Variants in PLCL2 observed in about 807,000 individuals in gnomAD.
PLCL2 encodes inactive phospholipase C-like protein 2.
A neutral mutation model predicts 79.6 loss-of-function variants in PLCL2; 4 were observed. The observed-to-expected ratio is 0.05, with a 90% CI of 0.02 to 0.11. The LOEUF (loss-of-function observed/expected upper bound fraction) is 0.11, where lower values mean the gene tolerates loss of function less well. Among genes scored for constraint, PLCL2 ranks in the 10% least tolerant of loss-of-function variants. The pLI is 1.00. For missense variants in PLCL2, 895 were observed against 1,291.0 expected, an observed-to-expected ratio of 0.69 and a Z score of 4.70; for synonymous variants, 484 against 457.7, an observed-to-expected ratio of 1.06 and a Z score of -0.73.
chr3:16,918,801 C>T (rs1697057009), intron 1 of PLCL2, among the ~76,000 whole-genome samples: 1 of 152,114 alleles, frequency 6.6e-6, no homozygotes. Context: ...TTTTGTTGCT[C>T]TTTGTGCTCA....
chr3:16,928,582 A>G (rs1178230410), intron 1 of PLCL2, among the ~76,000 whole-genome samples: 2 of 152,212 alleles, frequency 1.3e-5, no homozygotes, highest in Non-Finnish European at 2.9e-5. Flanking sequence ...AGGAAGCTGC[A>G]ACCTGCAGGG....
rs60098908 is a variant in PLCL2, at chr3:16,990,609, C to T, written c.328-19065C>T. ...AATTCCAGTAAGTAAGACTCGAGGA[C>T]TTGTAATGTAAAAATCTTAGTTAGG... On this transcript the variant is annotated intron_variant, in intron 1 of 5. Coordinates refer to ENST00000615277, the MANE Select transcript of PLCL2 (RefSeq NM_001144382.2). Among the ~76,000 whole-genome samples, 1,065 of 152,272 alleles carry T rather than the reference C, an allele frequency of 7.0e-3. 16 individuals carry two copies. Among genetic ancestry groups the T allele is most frequent in the African/African-American group, 0.024 (1,016 of 41,534 alleles).
At chr3:16,993,120 T>G (rs939927392) in intron 1 of PLCL2, among the ~76,000 whole-genome samples, 1 of 152,220 alleles carries the variant, frequency 6.6e-6, no homozygotes, top group African/African-American at 2.4e-5. Context: ...ATACTTTGAT[T>G]GTACCTGCAT....
At chr3:16,933,897 T>C (rs1453325460) in intron 1 of PLCL2, among the ~76,000 whole-genome samples, 1 of 151,966 alleles carries the variant, frequency 6.6e-6, no homozygotes, top group African/African-American at 2.4e-5. Flanking sequence ...GTGAAACCTG[T>C]CTCTACTAAA....
At chr3:17,076,096 C>A (rs2065106338) in intron 5 of PLCL2, among the ~76,000 whole-genome samples, 1 of 152,182 alleles carries the variant, frequency 6.6e-6, no homozygotes, top group South Asian at 2.1e-4. Flanking sequence ...TGCCACAGTG[C>A]TTTAAAAACA....
intron 1 of PLCL2, among the ~76,000 whole-genome samples, chr3:16,923,087 C>G (rs995513913): frequency 6.6e-6 from 1 of 152,126 alleles, no homozygotes; most frequent in East Asian, 1.9e-4. Flanking sequence ...AGCTCGGCTC[C>G]CCCACAACCA....
intron 1 of PLCL2, among the ~76,000 whole-genome samples, chr3:16,903,396 T>A (rs1696674834): frequency 6.6e-6 from 1 of 152,232 alleles, no homozygotes; most frequent in Non-Finnish European, 1.5e-5. Context: ...TTTCATGTTA[T>A]GGAACTGATT....
At chr3:17,052,261 G>GA (rs1444976756) in intron 4 of PLCL2, among the ~76,000 whole-genome samples, 3 of 150,596 alleles carry the variant, frequency 2.0e-5, no homozygotes, top group Admixed American at 6.6e-5. Flanking sequence ...AAATTGGGGG[G>GA]GGGTGAAGGT....
chr3:16,995,299 C>T (rs547518905), intron 1 of PLCL2, among the ~76,000 whole-genome samples: 117 of 152,252 alleles, frequency 7.7e-4, no homozygotes, highest in Non-Finnish European at 7.8e-4. Context: ...AAAGAGACTT[C>T]TTCCGTTTGT....
At chr3:17,006,600 T>A (rs944808900) in intron 1 of PLCL2, among the ~76,000 whole-genome samples, 2 of 152,164 alleles carry the variant, frequency 1.3e-5, no homozygotes, top group African/African-American at 4.8e-5. Flanking sequence ...ATGGAGACAG[T>A]TCTAGGCAAC....
At chr3:17,028,746 G>T (rs1308948663) in intron 3 of PLCL2, among the ~76,000 whole-genome samples, 1 of 152,062 alleles carries the variant, frequency 6.6e-6, no homozygotes, top group East Asian at 1.9e-4. Flanking sequence ...GCCTCCCAAA[G>T]TGCTGGGAAT....
intron 1 of PLCL2, among the ~76,000 whole-genome samples, chr3:16,987,026 G>A (rs1693964776): frequency 6.6e-6 from 1 of 151,284 alleles, no homozygotes; most frequent in South Asian, 2.1e-4. Context: ...CATTTATGGG[G>A]TCTGGGTGCC....
In PLCL2 at chr3:17,078,813, A is replaced by C. The variant is rs1211082855; in HGVS notation, c.3204+10748A>C. 5.3e-5 allele frequency among the ~76,000 whole-genome samples: 8 copies of C among 152,172 alleles called. No homozygotes were observed. In the East Asian group the frequency reaches 1.5e-3, roughly 29 times the overall value. ...GGTTGATGTATGACTCCTTTTATTG[A>C]GGCTCATATCTTTTAGTTATTTTTA... On this transcript the variant is annotated intron_variant, in intron 5 of 5. Coordinates refer to ENST00000615277, the MANE Select transcript of PLCL2 (RefSeq NM_001144382.2).
intron 1 of PLCL2, among the ~76,000 whole-genome samples, chr3:16,898,906 A>G (rs919582111): frequency 2.7e-5 from 4 of 150,672 alleles, no homozygotes; most frequent in Middle Eastern, 3.2e-3. Flanking sequence ...GGCCCCAGCC[A>G]GCTGTGGCAG....
At chr3:16,902,806 A>G (rs1377895696) in intron 1 of PLCL2, among the ~76,000 whole-genome samples, 1 of 149,840 alleles carries the variant, frequency 6.7e-6, no homozygotes. Flanking sequence ...CAGCCTGGTA[A>G]ACAGAGCTAC....
At chr3:17,002,384 G>A (rs1313668269) in intron 1 of PLCL2, among the ~76,000 whole-genome samples, 3 of 152,058 alleles carry the variant, frequency 2.0e-5, no homozygotes, top group African/African-American at 7.2e-5. Context: ...CTCTGGCTAG[G>A]ACTACAAATA....
intron 5 of PLCL2, 32 bp from the exon 6 acceptor site, chr3:17,089,701 C>G (rs753968233): frequency 1.2e-5 from 15 of 1,290,772 alleles, no homozygotes; most frequent in South Asian, 3.7e-5. Flanking sequence ...TATGTCATAT[C>G]TAATACTGTT....
At chr3:16,978,511 G>T (rs2063948704) in intron 1 of PLCL2, among the ~76,000 whole-genome samples, 1 of 152,188 alleles carries the variant, frequency 6.6e-6, no homozygotes, top group African/African-American at 2.4e-5. Flanking sequence ...GGCATATAAT[G>T]GGAAGTAGCA....
intron 3 of PLCL2, among the ~76,000 whole-genome samples, chr3:17,018,710 C>T (rs78780334): frequency 0.029 from 4,341 of 152,208 alleles, 225 homozygotes; most frequent in African/African-American, 0.1. Flanking sequence ...AAAGATGTCA[C>T]GTTTGGTTGT....
Sources: gnomAD v4.1 joint callset for allele counts (sites outside exome capture counted in the v4.1 genomes callset) on GRCh38, gnomAD v4.1.1 for gene constraint, MANE v1.5 for transcripts, NCBI Gene and HGNC (gene_info 2026-07-23, HGNC 2026-07-21) for gene names.